The following ANKRD27 variants were observed in gnomAD, a reference collection of about 807,000 sequenced individuals.
ANKRD27 encodes the protein ankyrin repeat domain 27, also known as ankyrin repeat domain-containing protein 27.
A neutral mutation model predicts 129.7 loss-of-function variants in ANKRD27; 112 were observed. The ratio of observed to expected loss-of-function variants is 0.86; its 90% CI spans 0.74 to 1.01. The LOEUF is 1.01. Ranked by LOEUF, ANKRD27 falls within the 50% of genes least tolerant of loss-of-function variation. ANKRD27 has a pLI of 0.00. For missense variants in ANKRD27, 1,258 were observed against 1,300.5 expected (o/e 0.97, Z 0.50); for synonymous variants, 516 against 511.2 (o/e 1.01, Z -0.13).
At chr19:32,602,487 G>A (rs1315491823) in intron 25 of ANKRD27, among the ~76,000 whole-genome samples, 4 of 152,078 alleles carry the variant, frequency 2.6e-5, no homozygotes, top group Admixed American at 1.3e-4. Flanking sequence ...AACTGGGCAC[G>A]GTGGCTCACG....
chr19:32,673,917 C>T (rs960040381), intron 1 of ANKRD27, among the ~76,000 whole-genome samples: 5 of 150,476 alleles, frequency 3.3e-5, no homozygotes, highest in African/African-American at 9.8e-5. Flanking sequence ...GAGGCCAAGA[C>T]GAGAGCATGG....
intron 25 of ANKRD27, among the ~76,000 whole-genome samples, chr19:32,603,979 C>T (rs1378475458): frequency 2.6e-5 from 4 of 151,814 alleles, no homozygotes; most frequent in Non-Finnish European, 4.4e-5. Context: ...ATGTAACTAC[C>T]GGACCACAGC....
intron 2 of ANKRD27, among the ~76,000 whole-genome samples, chr19:32,656,066 A>AG (rs1967516035): frequency 2.2e-5 from 1 of 44,800 alleles, no homozygotes; most frequent in African/African-American, 8.8e-5. Flanking sequence ...AAGAAAAGAA[A>AG]GAAAGAAAGA....
intron 1 of ANKRD27, among the ~76,000 whole-genome samples, chr19:32,662,813 C>T (rs1470672967): frequency 1.3e-5 from 2 of 151,964 alleles, no homozygotes; most frequent in Non-Finnish European, 2.9e-5. Flanking sequence ...GAGGCCTAGG[C>T]GGGTGGGTCA....
intron 2 of ANKRD27, among the ~76,000 whole-genome samples, chr19:32,654,525 G>C (rs558996603): frequency 6.3e-4 from 96 of 152,304 alleles, no homozygotes; most frequent in African/African-American, 2.2e-3. Flanking sequence ...CTGCGGACTG[G>C]ACAGGTGTGG....
chr19:32,663,323 G>A (rs932313582), intron 1 of ANKRD27, among the ~76,000 whole-genome samples: 7 of 152,164 alleles, frequency 4.6e-5, no homozygotes, highest in East Asian at 3.8e-4. Context: ...CTCACACAAC[G>A]TAGGAAGTAA....
At chr19:32,666,639 CTATTTTTTTTTT>C (rs1328646978) in intron 1 of ANKRD27, among the ~76,000 whole-genome samples, 6 of 112,020 alleles carry the variant, frequency 5.4e-5, no homozygotes, top group Admixed American at 3.1e-4. Context: ...AATCAGATTT[CTATTTTTTTTTT>C]TTTTTTTTTT....
intron 2 of ANKRD27, among the ~76,000 whole-genome samples, chr19:32,653,401 G>C (rs1363394002): frequency 6.6e-6 from 1 of 152,098 alleles, no homozygotes; most frequent in Non-Finnish European, 1.5e-5. Context: ...TGTAGGCAAA[G>C]GGGCCAGTCT....
At chr19:32,639,967 AT>A (rs35449858) in intron 11 of ANKRD27, among the ~76,000 whole-genome samples, 39 of 147,096 alleles carry the variant, frequency 2.7e-4, no homozygotes, top group Middle Eastern at 3.5e-3. Context: ...CAGTGCTGCC[AT>A]TTTTTTTTTT....
intron 26 of ANKRD27, among the ~76,000 whole-genome samples, chr19:32,601,378 C>T (rs553928052): frequency 7.9e-5 from 12 of 151,512 alleles, no homozygotes; most frequent in Non-Finnish European, 1.3e-4. Context: ...GGGCAGATCA[C>T]GAGGTCAGGA....
At chr19:32,674,403 G>A (rs768870378) in intron 1 of ANKRD27, among the ~76,000 whole-genome samples, 4 of 152,148 alleles carry the variant, frequency 2.6e-5, no homozygotes, top group Non-Finnish European at 5.9e-5. Flanking sequence ...CAGGCCGCGA[G>A]TGCCCACGTC....
chr19:32,606,023 T>TG (rs2145259315), intron 23 of ANKRD27, 69 bp from the exon 24 acceptor site: 1 of 1,367,458 alleles, frequency 7.3e-7, no homozygotes, highest in African/African-American at 1.7e-5. Flanking sequence ...AGAAAAATTA[T>TG]GAAAAATAAA....
At chr19:32,619,735 G>A (rs1172981034) in intron 18 of ANKRD27, among the ~76,000 whole-genome samples, 182 bp from the exon 19 acceptor site, 1 of 152,138 alleles carries the variant, frequency 6.6e-6, no homozygotes, top group African/African-American at 2.4e-5. Context: ...AGAGCAGGTG[G>A]GAACTTACGC....
intron 2 of ANKRD27, among the ~76,000 whole-genome samples, chr19:32,654,522 C>A (rs2145313280): frequency 6.6e-6 from 1 of 152,328 alleles, no homozygotes; most frequent in Non-Finnish European, 1.5e-5. Context: ...CAACTGCGGA[C>A]TGGACAGGTG....
At chr19:32,669,663 G>A (rs7254931) in intron 1 of ANKRD27, among the ~76,000 whole-genome samples, 2,141 of 152,142 alleles carry the variant, frequency 0.014, 63 homozygotes, top group African/African-American at 0.049. Flanking sequence ...TTCCATGGAC[G>A]AACTAAAAAC....
chr19:32,631,454 C>G lies in ANKRD27; in HGVS notation c.1157G>C (p.Arg386Thr), dbSNP rs752291473. The G allele has an allele frequency of 1.2e-5, 20 of 1,614,068 alleles. No individual in the cohort carries two copies. In the Admixed American group the frequency reaches 1.7e-4, roughly 13 times the overall value. ...GFGDRLFLKQ[R>T]MSLLSQMTSS... ...AGTCATCTGAGAGAGTAAGCTCATT[C>G]TCTGCTTAAGGAACAGCCTGTCTCC... The change falls in exon 13 of 29, where the codon AGA becomes ACA. Residue 386 changes from arginine to threonine, a missense_variant. Arg to Thr is a moderately conservative substitution (Grantham distance 71, BLOSUM62 -1). Transcript: ENST00000306065.
chr19:32,651,911 T>C (rs2145310530), intron 2 of ANKRD27, among the ~76,000 whole-genome samples: 1 of 152,172 alleles, frequency 6.6e-6, no homozygotes, highest in South Asian at 2.1e-4. Flanking sequence ...CTGGCAGACA[T>C]AAAAAGGAGC....
In ANKRD27 at chr19:32,639,418, G is replaced by A. The variant is rs1436570765; in HGVS notation, c.1054C>T (p.Leu352=). 1.2e-6 allele frequency: 2 copies of A among 1,614,080 alleles called. No homozygotes were observed. Among genetic ancestry groups the A allele is most frequent in the African/African-American group, 1.3e-5 (1 of 74,934 alleles). The change falls in exon 12 of 29, where the codon CTG becomes TTG. Residue 352 remains leucine (L), a synonymous_variant. Coordinates refer to ENST00000306065, the MANE Select transcript of ANKRD27 (RefSeq NM_032139.3). ...TCAATGGCAGCTTCGAATGAGGTCA[G>A]GCAGTATCCCAGTTCATCCTTTGCC... ...SLAKDELGYC[L]TSFEAAIEYI...
At chr19:32,656,068 AAAG>A (rs536874652) in intron 2 of ANKRD27, among the ~76,000 whole-genome samples, 57,986 of 100,942 alleles carry the variant, frequency 0.57, 16,028 homozygotes, top group Non-Finnish European at 0.66. Flanking sequence ...GAAAAGAAAG[AAAG>A]AAAGAAAGAA....
Sources: gnomAD v4.1 joint callset for allele counts (sites outside exome capture counted in the v4.1 genomes callset) on GRCh38, gnomAD v4.1.1 for gene constraint, MANE v1.5 for transcripts, NCBI Gene and HGNC (gene_info 2026-07-23, HGNC 2026-07-21) for gene names.